GEMIN4: variants seen among roughly 807,000 people sequenced by gnomAD.
The protein encoded by GEMIN4 is gem nuclear organelle associated protein 4, also known as gem-associated protein 4.
Under a neutral mutation model 76.8 loss-of-function variants are expected in GEMIN4, and 59 were observed. That is an observed-to-expected ratio of 0.77 (90% CI 0.62 to 0.95). The LOEUF is 0.95. Ranked by LOEUF, GEMIN4 falls within the 40% of genes least tolerant of loss-of-function variation. GEMIN4 has a pLI of 0.00. For missense variants in GEMIN4, 1,311 were observed against 1,318.9 expected (o/e 0.99, Z 0.09); for synonymous variants, 562 against 559.7 (o/e 1.00, Z -0.06).
chr17:752,458 T>A (rs1445612016), upstream of GEMIN4, among the ~76,000 whole-genome samples: 2 of 151,838 alleles, frequency 1.3e-5, no homozygotes, highest in Non-Finnish European at 2.9e-5. Context: ...CGGGTCGGGC[T>A]CATGATTCCC....
rs183578612 is a variant in GEMIN4 at position 748,457 on chromosome 17, A to C, written c.11-425T>G. ...CACCGGAACCAAGACGGTGAATGAG[A>C]TCCTTCAGGAAAAGTGTGTGAAAAG... On this transcript the variant is annotated intron_variant, in intron 1 of 1. Coordinates refer to ENST00000319004, the MANE Select transcript of GEMIN4 (RefSeq NM_015721.3). The C allele has an allele frequency of 6.2e-4, 109 of 176,716 alleles. 1 individual carries two copies. Among genetic ancestry groups the C allele is most frequent in the Admixed American group, 4.7e-3 (81 of 17,244 alleles). 10.9% of individuals were successfully genotyped at this position (176,716 alleles called of 1,614,324 possible).
chr17:745,079 G>A lies in GEMIN4; in HGVS notation c.2964C>T (p.His988=), dbSNP rs1332024598. 2 of 1,613,562 alleles carry A rather than the reference G, an allele frequency of 1.2e-6. No homozygotes were observed. The highest frequency in any genetic ancestry group is 1.1e-5 in the South Asian group (1 of 91,026). ...VYTQVFCHAL[H]IMAMLHPEVC... is the part of the protein sequence containing the mutation. The stretch of plus-strand genomic sequence containing the variant: ...CCTCCGGGTGGAGCATGGCCATGAT[G>A]TGCAGAGCATGGCAGAACACCTGGG... The change falls in exon 2 of 2, where the codon CAC becomes CAT. Residue 988 remains histidine (H), a synonymous_variant. Coordinates refer to ENST00000319004, the MANE Select transcript of GEMIN4 (RefSeq NM_015721.3). The surrounding 1 kb of genome is among the most constrained non-coding windows in gnomAD (Gnocchi z 4.6).
intron 1 of GEMIN4, chr17:749,899 T>C: frequency 1.0e-6 from 1 of 990,388 alleles, no homozygotes; most frequent in South Asian, 4.6e-5. Flanking sequence ...AAGGTACTCA[T>C]GGCCCTAGCT....
intron 1 of GEMIN4, among the ~76,000 whole-genome samples, chr17:750,947 C>T (rs1257615131): frequency 6.6e-6 from 1 of 152,194 alleles, no homozygotes; most frequent in Non-Finnish European, 1.5e-5. Flanking sequence ...AAATATAGTC[C>T]CTCCTGACGC....
In GEMIN4 at chr17:746,256, G is replaced by A. The variant is rs766254914; in HGVS notation, c.1787C>T (p.Pro596Leu). The change falls in exon 2 of 2, where the codon CCC (proline) becomes CTC (leucine). Residue 596 changes from proline (P) to leucine (L), a missense_variant. Physicochemically the swap from Pro to Leu is moderately conservative, Grantham distance 98 (BLOSUM62 -3). Around this residue, in one of 2 missense-constraint regions of GEMIN4, gnomAD observed 1,208 missense variants for 1,166.9 expected, o/e 1.04. Coordinates refer to ENST00000319004, the MANE Select transcript of GEMIN4 (RefSeq NM_015721.3). This position sits in a 1 kb window ranked among gnomAD's most constrained non-coding sequence, Gnocchi z 4.3. The part of the protein sequence containing the change: ...PALRFVEEQG[P>L]NSSATFMVSC... ...CACCATGAAAGTGGCAGATGAATTG[G>A]GACCCTGCTCTTCCACAAACCTAAG... The A allele has an allele frequency of 1.9e-6, 3 of 1,613,712 alleles. No individual in the cohort carries two copies. The East Asian group carries it at 6.7e-5, about 36-fold the overall frequency.
chr17:745,710 A>G lies in GEMIN4; in HGVS notation c.2333T>C (p.Phe778Ser). 2.5e-6 allele frequency: 4 copies of G among 1,603,894 alleles called. No individual in the cohort carries two copies. Among genetic ancestry groups the G allele is most frequent in the Non-Finnish European group, 3.4e-6 (4 of 1,175,502 alleles). Reference sequence around the variant, plus strand: ...CACTTCACACTTGAAGTGCCCCTCGAAGAAGCTCTTCAGCCTCAGGCCCAC... The same window carrying G: ...CACTTCACACTTGAAGTGCCCCTCGGAGAAGCTCTTCAGCCTCAGGCCCAC... Reference protein sequence around the residue: ...WTVGLRLKSFFEGHFKCEVPA... With the variant: ...WTVGLRLKSFSEGHFKCEVPA... Residue 778 changes from phenylalanine to serine, a missense_variant, in exon 2 of 2, where the codon TTC becomes TCC. By Grantham distance (155) the Phe-to-Ser change is radical. Coordinates refer to ENST00000319004, the MANE Select transcript of GEMIN4 (RefSeq NM_015721.3). The surrounding 1 kb of genome is among the most constrained non-coding windows in gnomAD (Gnocchi z 4.6).
At position 745,436 on chromosome 17, in the gene GEMIN4, C is replaced by A; in HGVS notation, c.2607G>T (p.Trp869Cys). 2.5e-6 allele frequency: 4 copies of A among 1,612,714 alleles called. No homozygotes were observed. Among genetic ancestry groups the A allele is most frequent in the Non-Finnish European group, 3.4e-6 (4 of 1,179,794 alleles). ...QVMPWCSPQE[W>C]QRLHQLTRRL... ...TCCTGGTCAGCTGGTGAAGGCGCTG[C>A]CACTCCTGAGGGCTGCACCAAGGCA... Residue 869 changes from tryptophan to cysteine, a missense_variant, in exon 2 of 2, where the codon TGG (tryptophan) becomes TGT (cysteine). Coordinates refer to ENST00000319004, the MANE Select transcript of GEMIN4 (RefSeq NM_015721.3). This position sits in a 1 kb window ranked among gnomAD's most constrained non-coding sequence, Gnocchi z 4.6.
chr17:744,949 G>A lies in GEMIN4; in HGVS notation c.3094C>T (p.Gln1032Ter), dbSNP rs574891003. The part of the protein sequence containing the change: ...VSSLLQRAHE[Q>*]RFLKSIAEGI... ...TCAGCAATGGACTTTAAGAAGCGCT[G>A]CTCGTGTGCCCTCTGGAGCAAGGAG... The change falls in exon 2 of 2, where the codon CAG becomes TAG. Residue 1032 changes from glutamine to a stop codon, truncating the protein, a stop_gained. Transcript: ENST00000319004. LOFTEE classifies it high-confidence loss of function. 160 of 1,613,940 alleles carry A rather than the reference G, an allele frequency of 9.9e-5. 1 individual carries two copies. Among genetic ancestry groups the A allele is most frequent in the Middle Eastern group, 9.9e-4 (6 of 6,060 alleles).
rs778878953 is a variant in GEMIN4, at chr17:752,159, G to C, written c.-17C>G. The C allele has an allele frequency of 1.7e-5, 21 of 1,234,424 alleles. No individual in the cohort carries two copies. Among genetic ancestry groups the C allele is most frequent in the Non-Finnish European group, 2.0e-5 (20 of 988,598 alleles). 76.5% of individuals were successfully genotyped at this position (1,234,424 alleles called of 1,614,324 possible). A position where few individuals can be genotyped will look rare whatever the true frequency, so the allele number is the denominator to read the frequency against. ...TAGGTCCATGGCGGCGACGCCGGCG[G>C]CTGCGCGGGGCTAACGCCCCCTCCC... On this transcript the variant is annotated 5_prime_UTR_variant, in exon 1 of 2. Coordinates refer to ENST00000319004, the MANE Select transcript of GEMIN4 (RefSeq NM_015721.3).
intron 1 of GEMIN4, chr17:748,300 T>C (rs1597560033): frequency 2.2e-6 from 1 of 456,962 alleles, no homozygotes; most frequent in East Asian, 3.8e-5. Context: ...TCAGAGCAGG[T>C]GTGAGGAAAG....
Position 744,911 on chromosome 17 carries a change from AG to A in GEMIN4, c.3131del (p.Pro1044LeufsTer12). The A allele has an allele frequency of 6.2e-7, 1 of 1,613,534 alleles. No individual in the cohort carries two copies. The highest frequency in any genetic ancestry group is 1.1e-5 in the South Asian group (1 of 91,020). Reference protein sequence around the residue: ...FLKSIAEGIGPEERRQTLLQK... With the variant: ...FLKSIAEGIGXEERRQTLLQK... ...GCAACAGGGTTTGGCGCCGTTCTTC[AG>A]GGCCGATGCCCTCAGCAATGGACTT... On this transcript the variant is annotated frameshift_variant, in exon 2 of 2. Transcript: ENST00000319004. LOFTEE classifies it high-confidence loss of function.
rs1423861031 is a variant in GEMIN4 at position 747,250 on chromosome 17, A to G, written c.793T>C (p.Tyr265His). 6.2e-7 allele frequency: 1 copy of G among 1,613,808 alleles called. No individual in the cohort carries two copies. Among genetic ancestry groups the G allele is most frequent in the African/African-American group, 1.3e-5 (1 of 75,030 alleles). The change falls in exon 2 of 2, where the codon TAT (tyrosine) becomes CAT (histidine). Residue 265 changes from tyrosine to histidine, a missense_variant. By Grantham distance (83) the Tyr-to-His change is moderately conservative. Transcript: ENST00000319004. ...ATCACCGTGGCCAGTTTGTCCAGAT[A>G]CACGGTTGCAGACACCTCCTGGGGG... ...DDPQEVSATV[Y>H]LDKLATVISV...
At chr17:752,466 C>A (rs574810941), upstream of GEMIN4, among the ~76,000 whole-genome samples, 9 of 152,236 alleles carry the variant, frequency 5.9e-5, no homozygotes, top group African/African-American at 2.2e-4. Context: ...GCTCATGATT[C>A]CCCGGCCCCG....
upstream of GEMIN4, chr17:754,000 A>C (rs1334779409): frequency 6.6e-6 from 1 of 152,242 alleles, no homozygotes; most frequent in Non-Finnish European, 1.5e-5. Context: ...CCGTGATGAT[A>C]ATGTGATGAA....
At position 751,251 on chromosome 17, in the gene GEMIN4, T is replaced by C. The variant is rs569462425; in HGVS notation, c.10+882A>G. Among the ~76,000 whole-genome samples the C allele has an allele frequency of 3.9e-5, 6 of 152,274 alleles. No individual in the cohort carries two copies. The East Asian group carries it at 1.2e-3, about 29-fold the overall frequency. On this transcript the variant is annotated intron_variant, in intron 1 of 1. Coordinates refer to ENST00000319004, the MANE Select transcript of GEMIN4 (RefSeq NM_015721.3). ...AGGACTAGTATTCCTGCTCTAGAGA[T>C]AAGGACACTGAGGCGCAGAAACGAT...
Position 747,189 on chromosome 17 carries a change from T to C in GEMIN4, c.854A>G (p.His285Arg), listed in dbSNP as rs746036404. 4 of 1,613,610 alleles carry C rather than the reference T, an allele frequency of 2.5e-6. No individual in the cohort carries two copies. The East Asian group carries it at 8.9e-5, about 36-fold the overall frequency. The part of the protein sequence containing the change: ...VWNSDTQNPY[H>R]QQALAEKVKE... ...CACCTTCTCTGCCAGCGCCTGCTGG[T>C]GGTAGGGATTCTGGGTGTCCGAGTT... is the stretch of plus-strand genomic sequence containing the variant. The change falls in exon 2 of 2, where the codon CAC (histidine) becomes CGC (arginine). Residue 285 changes from histidine (H) to arginine (R), a missense_variant. Around this residue, in one of 2 missense-constraint regions of GEMIN4, gnomAD observed 1,208 missense variants for 1,166.9 expected, o/e 1.04. Transcript: ENST00000319004.
chr17:746,095 C>T lies in GEMIN4; in HGVS notation c.1948G>A (p.Glu650Lys), dbSNP rs377606651. 9 of 1,613,998 alleles carry T rather than the reference C, an allele frequency of 5.6e-6. No homozygotes were observed. Among genetic ancestry groups the T allele is most frequent in the East Asian group, 2.2e-5 (1 of 44,888 alleles). Reference sequence around the variant, plus strand: ...GGCAGGACAAATTCCTTCAGCACCTCGTCTGGCTCAAGAAGAGCAGCCACT... The same window carrying T: ...GGCAGGACAAATTCCTTCAGCACCTTGTCTGGCTCAAGAAGAGCAGCCACT... The part of the protein sequence containing the change: ...IPVAALLEPD[E>K]VLKEFVLPFL... Residue 650 changes from glutamate (E) to lysine (K), a missense_variant, in exon 2 of 2, where the codon GAG becomes AAG. Physicochemically the swap from Glu to Lys is moderately conservative, Grantham distance 56 (BLOSUM62 1). Coordinates refer to ENST00000319004, the MANE Select transcript of GEMIN4 (RefSeq NM_015721.3). The surrounding 1 kb of genome is among the most constrained non-coding windows in gnomAD (Gnocchi z 4.3).
At chr17:752,642 G>T, upstream of GEMIN4, 1 of 1,008,868 alleles carries the variant, frequency 9.9e-7, no homozygotes, top group Non-Finnish European at 1.2e-6. Flanking sequence ...CTCCTGCCGC[G>T]CCGCCCCCTC....
Position 752,260 on chromosome 17 carries a change from C to T in GEMIN4, c.-118G>A, listed in dbSNP as rs548325391. On this transcript the variant is annotated 5_prime_UTR_variant, in exon 1 of 2. Transcript: ENST00000319004. ...GGAGCCACGGCGGCCGCGCTTAGGC[C>T]TGCTCACAACCTCCGCCCGGCCCCG... 4.2e-5 allele frequency: 51 copies of T among 1,227,244 alleles called. No individual in the cohort carries two copies. The African/African-American group carries it at 6.2e-4, about 15-fold the overall frequency. 76.0% of individuals were successfully genotyped at this position (1,227,244 alleles called of 1,614,324 possible). A position where few individuals can be genotyped will look rare whatever the true frequency, so the allele number is the denominator to read the frequency against.
Sources: gnomAD v4.1 joint callset for allele counts (sites outside exome capture counted in the v4.1 genomes callset) on GRCh38, gnomAD v4.1.1 for gene constraint, gnomAD v4.1.1 regional missense constraint, Gnocchi (gnomAD v3.1) non-coding constraint, MANE v1.5 for transcripts, NCBI Gene and HGNC (gene_info 2026-07-23, HGNC 2026-07-21) for gene names.